Variants in PRKG1 observed in about 807,000 individuals in gnomAD.
PRKG1 encodes the protein cGMP-dependent protein kinase 1.
PRKG1 carries 35 observed loss-of-function variants against 88.1 expected under a neutral mutation model. That is an observed-to-expected ratio of 0.40 (90% CI 0.30 to 0.53). The LOEUF (loss-of-function observed/expected upper bound fraction) is 0.53. PRKG1 is among the 20% of genes least tolerant of loss of function. The probability of loss-of-function intolerance (pLI) is 0.59; values close to 1 mark genes in which losing one functional copy is unlikely to be tolerated. For missense variants in PRKG1, 540 were observed against 839.8 expected (o/e 0.64, Z 4.41); for synonymous variants, 303 against 292.5 (o/e 1.04, Z -0.37).
intron 7 of PRKG1, chr10:52,128,575 T>C (rs992851992): frequency 1.1e-4 from 110 of 985,024 alleles, no homozygotes; most frequent in Non-Finnish European, 1.3e-4. Context: ...TGCAAATATT[T>C]TGGGATATTT....
At chr10:51,495,101 C>CT (rs374734308) in intron 3 of PRKG1, among the ~76,000 whole-genome samples, 16 of 146,496 alleles carry the variant, frequency 1.1e-4, no homozygotes, top group East Asian at 2.0e-4. Context: ...ATATCTGAAT[C>CT]TTTTTTTTTT....
In PRKG1 at chr10:51,649,051, C is replaced by T. The variant is rs184497375; in HGVS notation, c.593-155534C>T. Among the ~76,000 whole-genome samples the T allele has an allele frequency of 2.1e-3, 316 of 152,064 alleles. 2 individuals are homozygous for T. Among genetic ancestry groups the T allele is most frequent in the African/African-American group, 6.8e-3 (281 of 41,456 alleles). ...TAAATAAATAAATAAGACCAGAATG[C>T]CTAAAGTATCTATAGAAGGCCTAAT... On this transcript the variant is annotated intron_variant, in intron 3 of 17. Transcript: ENST00000373980.
chr10:51,200,333 A>G (rs561851088), intron 2 of PRKG1, among the ~76,000 whole-genome samples: 1 of 152,378 alleles, frequency 6.6e-6, no homozygotes, highest in South Asian at 2.1e-4. Context: ...TGCCTAGCAC[A>G]AACATGATGT....
intron 3 of PRKG1, among the ~76,000 whole-genome samples, chr10:51,544,924 A>G (rs1842409701): frequency 6.6e-6 from 1 of 152,096 alleles, no homozygotes; most frequent in East Asian, 1.9e-4. Context: ...CCAACAGACA[A>G]CATGAAAAAA....
chr10:51,041,587 C>A (rs142996113), intron 1 of PRKG1, among the ~76,000 whole-genome samples: 1 of 152,080 alleles, frequency 6.6e-6, no homozygotes, highest in East Asian at 2.0e-4. Context: ...AGTAGGTTCC[C>A]TTCTGGCCCA....
At chr10:51,562,397 C>T (rs1053137175) in intron 3 of PRKG1, among the ~76,000 whole-genome samples, 1 of 152,094 alleles carries the variant, frequency 6.6e-6, no homozygotes, top group Admixed American at 6.6e-5. Context: ...TATCTTACTA[C>T]TTAGCAGAAT....
At chr10:51,146,114 G>A (rs567706903) in intron 1 of PRKG1, among the ~76,000 whole-genome samples, 13 of 152,060 alleles carry the variant, frequency 8.5e-5, no homozygotes, top group Admixed American at 7.9e-4. Context: ...GCATGAACCC[G>A]GGAGGCGGAG....
intron 4 of PRKG1, among the ~76,000 whole-genome samples, chr10:51,832,820 T>A (rs1330507749): frequency 1.3e-5 from 2 of 152,110 alleles, no homozygotes; most frequent in Non-Finnish European, 2.9e-5. Flanking sequence ...GGGGAGGAAA[T>A]GCATGATGAT....
chr10:51,728,568 T>C (rs1349760062), intron 3 of PRKG1, among the ~76,000 whole-genome samples: 1 of 17,020 alleles, frequency 5.9e-5, no homozygotes, highest in Non-Finnish European at 1.1e-4. Flanking sequence ...TATTACAGAG[T>C]ACTTATCTCA....
At chr10:51,298,330 T>G (rs969030833) in intron 2 of PRKG1, among the ~76,000 whole-genome samples, 1 of 152,192 alleles carries the variant, frequency 6.6e-6, no homozygotes, top group African/African-American at 2.4e-5. Flanking sequence ...ATATTATGAC[T>G]AAGCTTGTGA....
chr10:51,194,116 C>G (rs1291242495), intron 2 of PRKG1, among the ~76,000 whole-genome samples: 1 of 151,840 alleles, frequency 6.6e-6, no homozygotes, highest in East Asian at 1.9e-4. Flanking sequence ...CATATTTCAC[C>G]CCTTTGGTAA....
intron 2 of PRKG1, among the ~76,000 whole-genome samples, chr10:51,227,623 C>T (rs557971554): frequency 2.6e-5 from 4 of 152,278 alleles, no homozygotes; most frequent in South Asian, 2.1e-4. Flanking sequence ...TGGTGTACAG[C>T]TGGTTCTCAT....
intron 5 of PRKG1, among the ~76,000 whole-genome samples, chr10:52,044,803 A>G (rs1428087272): frequency 6.6e-6 from 1 of 152,160 alleles, no homozygotes; most frequent in Non-Finnish European, 1.5e-5. Flanking sequence ...ACAGCAGCAT[A>G]CTCCCAGATG....
chr10:51,284,871 T>TA (rs1240646973), intron 2 of PRKG1, among the ~76,000 whole-genome samples: 1 of 145,402 alleles, frequency 6.9e-6, no homozygotes, highest in Non-Finnish European at 1.5e-5. Context: ...GGTACTTTTT[T>TA]TTTTTTTTTT....
intron 3 of PRKG1, among the ~76,000 whole-genome samples, chr10:51,751,475 G>A (rs561068713): frequency 5.0e-4 from 76 of 152,224 alleles, no homozygotes; most frequent in African/African-American, 1.8e-3. Flanking sequence ...TTATCCGCCT[G>A]CATCTGCCTC....
At chr10:51,956,137 G>A (rs941653977) in intron 5 of PRKG1, among the ~76,000 whole-genome samples, 2 of 152,122 alleles carry the variant, frequency 1.3e-5, no homozygotes, top group Non-Finnish European at 2.9e-5. Flanking sequence ...ATGAACTACA[G>A]TGGCTTCCTG....
At chr10:51,083,051 T>G (rs1844153598) in intron 1 of PRKG1, among the ~76,000 whole-genome samples, 1 of 152,196 alleles carries the variant, frequency 6.6e-6, no homozygotes, top group African/African-American at 2.4e-5. Context: ...TGAATTCCTA[T>G]TCTTTGGGGA....
At chr10:52,105,820 AT>A (rs534951433) in intron 7 of PRKG1, among the ~76,000 whole-genome samples, 3 of 149,320 alleles carry the variant, frequency 2.0e-5, no homozygotes, top group East Asian at 2.0e-4. Flanking sequence ...TGCTTCTTTT[AT>A]TTTTTTTTAT....
chr10:51,475,477 T>C lies in PRKG1; in HGVS notation c.592+7641T>C, dbSNP rs72795109. ...CCCAGTTAGTGTTAACCTACACATA[T>C]GCATACTATCATGTTCATCAAATTG... On this transcript the variant is annotated intron_variant, in intron 3 of 17. Coordinates refer to ENST00000373980, the MANE Select transcript of PRKG1 (RefSeq NM_006258.4). 3.5e-3 allele frequency among the ~76,000 whole-genome samples: 540 copies of C among 152,148 alleles called. 1 individual carries two copies. The highest frequency in any genetic ancestry group is 6.3e-3 in the Non-Finnish European group (425 of 67,958).
Sources: allele counts gnomAD v4.1 joint callset (sites outside exome capture counted in the v4.1 genomes callset), GRCh38; gene constraint gnomAD v4.1.1; transcripts MANE v1.5; gene names NCBI Gene and HGNC (gene_info 2026-07-23, HGNC 2026-07-21).